SYBU: variants seen among roughly 807,000 people sequenced by gnomAD.
The protein encoded by SYBU is GOLSYN A protein.
Under a neutral mutation model 35.9 loss-of-function variants are expected in SYBU, and 21 were observed. The ratio of observed to expected loss-of-function variants is 0.58; its 90% CI spans 0.41 to 0.84. The LOEUF (loss-of-function observed/expected upper bound fraction) is 0.84. Among genes scored for constraint, SYBU ranks in the 40% least tolerant of loss-of-function variants. SYBU has a pLI of 0.00. For missense variants in SYBU, 768 were observed against 848.2 expected, an observed-to-expected ratio of 0.91 and a Z score of 1.17; for synonymous variants, 319 against 324.3, an observed-to-expected ratio of 0.98 and a Z score of 0.18.
intron 5 of SYBU, 44 bp from the exon 6 acceptor site, chr8:109,578,061 T>A: frequency 1.9e-6 from 3 of 1,577,934 alleles, no homozygotes; most frequent in Non-Finnish European, 2.6e-6. Context: ...TGCCGTTTCC[T>A]TTTCTATAAA....
chr8:109,587,451 A>G (rs1408476569), intron 3 of SYBU, among the ~76,000 whole-genome samples: 1 of 152,224 alleles, frequency 6.6e-6, no homozygotes, highest in Non-Finnish European at 1.5e-5. Flanking sequence ...CCAAATCTTC[A>G]TGCTACTTCT....
At chr8:109,625,136 T>A (rs7829361) in intron 2 of SYBU, among the ~76,000 whole-genome samples, 16,001 of 144,910 alleles carry the variant, frequency 0.11, 1,833 homozygotes, top group African/African-American at 0.3. Context: ...GTGCTTTTTT[T>A]AAAAAAAAAA....
At chr8:109,590,298 GTTTT>G (rs764856403) in intron 3 of SYBU, among the ~76,000 whole-genome samples, 14 of 152,060 alleles carry the variant, frequency 9.2e-5, no homozygotes, top group Non-Finnish European at 1.6e-4. Context: ...CCTAAAAAGG[GTTTT>G]TGTTTTAGTT....
intron 2 of SYBU, among the ~76,000 whole-genome samples, chr8:109,639,480 C>T (rs2130608952): frequency 6.6e-6 from 1 of 152,244 alleles, no homozygotes; most frequent in East Asian, 1.9e-4. Flanking sequence ...GAGGTGACAC[C>T]TTCCTCTATA....
intron 3 of SYBU, among the ~76,000 whole-genome samples, chr8:109,587,818 G>A (rs562909648): frequency 2.0e-4 from 31 of 152,292 alleles, no homozygotes; most frequent in Non-Finnish European, 4.0e-4. Flanking sequence ...TAGAATTCTG[G>A]GAAGATTAGC....
intron 1 of SYBU, among the ~76,000 whole-genome samples, chr8:109,686,443 G>T (rs114941851): frequency 2.8e-3 from 425 of 152,270 alleles, no homozygotes; most frequent in African/African-American, 9.6e-3. Context: ...TCAATGTGAT[G>T]AATACATTTA....
intron 3 of SYBU, among the ~76,000 whole-genome samples, chr8:109,598,861 G>GA (rs1345799327): frequency 6.6e-6 from 1 of 152,216 alleles, no homozygotes; most frequent in Admixed American, 6.5e-5. Flanking sequence ...TCAAGCATAT[G>GA]AAAGAGGTAC....
chr8:109,641,837 C>G (rs541237773), intron 2 of SYBU, among the ~76,000 whole-genome samples: 1 of 152,294 alleles, frequency 6.6e-6, no homozygotes, highest in Non-Finnish European at 1.5e-5. Flanking sequence ...GAAATAGGAA[C>G]GTTTTTACAC....
At chr8:109,612,527 A>T (rs1811289873) in intron 3 of SYBU, among the ~76,000 whole-genome samples, 1 of 135,022 alleles carries the variant, frequency 7.4e-6, no homozygotes, top group Admixed American at 7.2e-5. Flanking sequence ...ATTTTTTTCC[A>T]CTCTATGGAG....
intron 1 of SYBU, among the ~76,000 whole-genome samples, chr8:109,671,696 TC>T (rs750080326): frequency 5.3e-5 from 8 of 152,222 alleles, no homozygotes; most frequent in Non-Finnish European, 1.0e-4. Context: ...AGGGTTCATA[TC>T]ATTTATTTAA....
At chr8:109,612,730 A>C (rs147442443) in intron 3 of SYBU, among the ~76,000 whole-genome samples, 1 of 75,320 alleles carries the variant, frequency 1.3e-5, no homozygotes, top group Non-Finnish European at 2.5e-5. Context: ...CTGTAATCCC[A>C]GTACTCTGGG....
intron 3 of SYBU, among the ~76,000 whole-genome samples, chr8:109,601,072 T>G (rs1825463472): frequency 6.6e-6 from 1 of 152,160 alleles, no homozygotes; most frequent in African/African-American, 2.4e-5. Context: ...GGCGGCAGAC[T>G]CCTGATTACA....
At chr8:109,676,665 A>G (rs1359288644) in intron 1 of SYBU, among the ~76,000 whole-genome samples, 5 of 152,240 alleles carry the variant, frequency 3.3e-5, no homozygotes, top group African/African-American at 4.8e-5. Context: ...TTCACAGTAT[A>G]GCATCAGGTT....
chr8:109,579,695 C>T (rs1822784207), intron 5 of SYBU, 104 bp downstream of exon 5: 1 of 1,059,744 alleles, frequency 9.4e-7, no homozygotes, highest in Admixed American at 2.0e-5. Context: ...CTTGTAGAAT[C>T]AGGCAAGGGA....
chr8:109,580,138 C>T (rs2131218903), intron 4 of SYBU, 136 bp from the exon 5 acceptor site: 1 of 784,562 alleles, frequency 1.3e-6, no homozygotes, highest in Non-Finnish European at 2.0e-6. Context: ...GTAGACTGTC[C>T]TTAGGAGCGG....
chr8:109,644,237 CCACTCCGCCGGG>C, intron 1 of SYBU: 3 of 483,134 alleles, frequency 6.2e-6, no homozygotes, highest in Non-Finnish European at 1.2e-5. Flanking sequence ...CATGCGCCAG[CCACTCCGCCGGG>C]CACACCGCAG....
At chr8:109,589,399 C>G (rs1043347503) in intron 3 of SYBU, among the ~76,000 whole-genome samples, 1 of 152,160 alleles carries the variant, frequency 6.6e-6, no homozygotes, top group Non-Finnish European at 1.5e-5. Context: ...GTCTTTGTTC[C>G]TCATCAATAT....
chr8:109,671,324 T>C lies in SYBU; in HGVS notation c.-129+9387A>G, dbSNP rs111268208. On this transcript the variant is annotated intron_variant, in intron 1 of 5. Coordinates refer to the SYBU transcript ENST00000408889. ...GCATATTTCATAAGCTTCTTATTCA[T>C]TATTCATGCCATTAGAGATAGAAGG... Among the ~76,000 whole-genome samples, 125 of 151,086 alleles carry C rather than the reference T, an allele frequency of 8.3e-4. 1 individual carries two copies. Among genetic ancestry groups the C allele is most frequent in the Non-Finnish European group, 1.4e-3 (94 of 68,020 alleles).
intron 3 of SYBU, among the ~76,000 whole-genome samples, chr8:109,604,632 C>T (rs1031251894): frequency 6.6e-6 from 1 of 152,062 alleles, no homozygotes; most frequent in South Asian, 2.1e-4. Flanking sequence ...TGAGAATGAC[C>T]CAGTGTTGCA....
Sources: allele counts gnomAD v4.1 joint callset (sites outside exome capture counted in the v4.1 genomes callset), GRCh38; gene constraint gnomAD v4.1.1; transcripts MANE v1.5; gene names NCBI Gene and HGNC (gene_info 2026-07-23, HGNC 2026-07-21).